Variants in FMO2 observed in about 807,000 individuals in gnomAD.
FMO2 encodes the protein flavin containing dimethylaniline monoxygenase 2.
In FMO2, 33 loss-of-function variants were observed where a neutral mutation model predicts 41.6. The ratio of observed to expected loss-of-function variants is 0.79; its 90% confidence interval spans 0.60 to 1.06. The LOEUF (loss-of-function observed/expected upper bound fraction) is 1.06. Ranked by LOEUF, FMO2 falls within the 50% of genes least tolerant of loss-of-function variation. The pLI, the probability that FMO2 is intolerant of heterozygous loss-of-function variation, is 0.00. For missense variants in FMO2, 619 were observed against 632.9 expected (o/e 0.98, Z 0.23); for synonymous variants, 214 against 219.6 (o/e 0.97, Z 0.23).
At chr1:171,199,048 A>C (rs1010103470) in intron 4 of FMO2, among the ~76,000 whole-genome samples, 1 of 152,028 alleles carries the variant, frequency 6.6e-6, no homozygotes, top group African/African-American at 2.4e-5. Flanking sequence ...GACCACAGGC[A>C]TGCACAACCA....
chr1:171,198,252 A>G (rs537846871), intron 4 of FMO2, among the ~76,000 whole-genome samples: 20 of 152,220 alleles, frequency 1.3e-4, no homozygotes, highest in Admixed American at 5.2e-4. Context: ...ACTGATTTAC[A>G]CAATATGGAA....
chr1:171,188,164 C>T (rs987276551), intron 2 of FMO2, among the ~76,000 whole-genome samples: 6 of 151,546 alleles, frequency 4.0e-5, no homozygotes, highest in African/African-American at 1.5e-4. Flanking sequence ...TACCAAAATC[C>T]TTGCATACTC....
chr1:171,188,374 G>T (rs895858275), intron 2 of FMO2, among the ~76,000 whole-genome samples: 1 of 152,072 alleles, frequency 6.6e-6, no homozygotes, highest in Non-Finnish European at 1.5e-5. Flanking sequence ...TGATTAATTA[G>T]GCTTTATTGA....
chr1:171,203,967 C>A lies in FMO2; in HGVS notation c.730C>A (p.Arg244Ser), dbSNP rs377041595. 5 of 1,613,648 alleles carry A rather than the reference C, an allele frequency of 3.1e-6. No homozygotes were observed. The highest frequency in any genetic ancestry group is 4.2e-6 in the Non-Finnish European group (5 of 1,179,694). ...CCACACCCGGTTTCGTTCTATGCTCCGCAATGTACTGCCACGAACAGCTGT... is the reference window on the plus strand; with the variant it reads ...CCACACCCGGTTTCGTTCTATGCTCAGCAATGTACTGCCACGAACAGCTGT... ...VFHTRFRSML[R>S]NVLPRTAVKW... Residue 244 changes from arginine to serine, a missense_variant, in exon 6 of 9, where the codon CGC becomes AGC. Physicochemically the swap from Arg to Ser is moderately radical, Grantham distance 110 (BLOSUM62 -1). Transcript: ENST00000209929.
intron 5 of FMO2, 177 bp downstream of exon 5, chr1:171,199,665 A>C (rs2075987): frequency 0.45 from 216,207 of 484,346 alleles, 52,213 homozygotes; most frequent in African/African-American, 0.68. Flanking sequence ...AGCTCTGTCA[A>C]TAACCAGCCA....
intron 5 of FMO2, among the ~76,000 whole-genome samples, chr1:171,201,532 C>T (rs1189723926): frequency 2.6e-5 from 4 of 152,192 alleles, no homozygotes; most frequent in South Asian, 2.1e-4. Context: ...GAAATTACAA[C>T]CTGAACTCAC....
chr1:171,185,684 G>C, intron 1 of FMO2, 24 bp from the exon 2 acceptor site: 1 of 1,612,970 alleles, frequency 6.2e-7, no homozygotes, highest in Non-Finnish European at 8.5e-7. Context: ...GTTAAGTAAT[G>C]TTGATTGATC....
chr1:171,188,957 T>C (rs1390625321), intron 2 of FMO2: 1 of 152,214 alleles, frequency 6.6e-6, no homozygotes, highest in Admixed American at 6.5e-5. Flanking sequence ...TTCTTCGCAA[T>C]ACTGCTAGGA....
At chr1:171,189,751 C>T (rs189526968) in intron 2 of FMO2, among the ~76,000 whole-genome samples, 10 of 151,170 alleles carry the variant, frequency 6.6e-5, no homozygotes, top group African/African-American at 1.9e-4. Flanking sequence ...CTCCATCCCC[C>T]GGGTTCAAGC....
intron 3 of FMO2, 58 bp downstream of exon 3, chr1:171,193,581 G>C: frequency 9.0e-7 from 1 of 1,113,014 alleles, no homozygotes; most frequent in Non-Finnish European, 1.3e-6. Flanking sequence ...TATTTAGATA[G>C]AAAAGTTACT....
In FMO2 at chr1:171,193,514, TCA is replaced by T; in HGVS notation, c.313_314del (p.Gln105ValfsTer7). On this transcript the variant is annotated frameshift_variant, in exon 3 of 9. Transcript: ENST00000209929. LOFTEE classifies it high-confidence loss of function. Reference sequence around the variant, plus strand: ...AAAAATTTGATCTGCTAAAATATATTCAGTTCCAGGTATTGTATTTTTGGGGA... The same window carrying T: ...AAAAATTTGATCTGCTAAAATATATTGTTCCAGGTATTGTATTTTTGGGGA... ...AKKFDLLKYI[Q>X]FQTTVLSVRK... The T allele has an allele frequency of 6.3e-7, 1 of 1,595,242 alleles. No individual in the cohort carries two copies. Among genetic ancestry groups the T allele is most frequent in the Non-Finnish European group, 8.6e-7 (1 of 1,163,962 alleles).
In FMO2 at chr1:171,193,418, T is replaced by G. The variant is rs758047506; in HGVS notation, c.216T>G (p.Phe72Leu). The G allele has an allele frequency of 6.2e-7, 1 of 1,610,724 alleles. No individual in the cohort carries two copies. Among genetic ancestry groups the G allele is most frequent in the East Asian group, 2.2e-5 (1 of 44,876 alleles). Residue 72 changes from phenylalanine to leucine, a missense_variant, in exon 3 of 9, where the codon TTT (phenylalanine) becomes TTG (leucine). Physicochemically the swap from Phe to Leu is conservative, Grantham distance 22. Transcript: ENST00000209929. ...TSKEMSCFSD[F>L]PMPEDFPNFL... Reference sequence around the variant, plus strand: ...AAGAAATGTCCTGTTTCAGTGACTTTCCAATGCCTGAAGATTTTCCAAACT... The same window carrying G: ...AAGAAATGTCCTGTTTCAGTGACTTGCCAATGCCTGAAGATTTTCCAAACT...
chr1:171,193,512 A>G lies in FMO2; in HGVS notation c.310A>G (p.Ile104Val). The change falls in exon 3 of 9, where the codon ATT (isoleucine) becomes GTT (valine). Residue 104 changes from isoleucine to valine, a missense_variant. Physicochemically the swap from Ile to Val is conservative, Grantham distance 29 (BLOSUM62 3). Coordinates refer to ENST00000209929, the MANE Select transcript of FMO2 (RefSeq NM_001460.5). ...TAAAAAATTTGATCTGCTAAAATAT[A>G]TTCAGTTCCAGGTATTGTATTTTTG... ...FAKKFDLLKY[I>V]QFQTTVLSVR... is the part of the protein sequence containing the mutation. 17 of 1,596,480 alleles carry G rather than the reference A, an allele frequency of 1.1e-5. No homozygotes were observed. Among genetic ancestry groups the G allele is most frequent in the Non-Finnish European group, 1.3e-5 (15 of 1,165,112 alleles).
chr1:171,207,857 C>T (rs531008771), intron 8 of FMO2, 67 bp downstream of exon 8: 78 of 1,010,584 alleles, frequency 7.7e-5, no homozygotes, highest in Non-Finnish European at 1.1e-4. Flanking sequence ...TAACTACTTA[C>T]AAGAACCACC....
Position 171,196,807 on chromosome 1 carries a change from T to C in FMO2, c.480T>C (p.Phe160=). ...HILPHIPLKS[F]PGMERFKGQY... is the part of the protein sequence containing the mutation. ...TACCTCATATCCCACTGAAGTCATT[T>C]CCAGGTGAGACCCGCTGGGATTCCC... The change falls in exon 4 of 9, where the codon TTT becomes TTC. Residue 160 remains phenylalanine (F), a synonymous_variant. Transcript: ENST00000209929. The C allele has an allele frequency of 6.2e-7, 1 of 1,612,774 alleles. No homozygotes were observed. The highest frequency in any genetic ancestry group is 1.1e-5 in the South Asian group (1 of 90,762).
chr1:171,199,968 C>T (rs566052344), intron 5 of FMO2, among the ~76,000 whole-genome samples: 2 of 152,196 alleles, frequency 1.3e-5, no homozygotes, highest in Admixed American at 1.3e-4. Context: ...CTGCCCGCCT[C>T]AGCCTCCCAA....
At chr1:171,185,539 T>C in intron 1 of FMO2, 169 bp from the exon 2 acceptor site, 1 of 598,434 alleles carries the variant, frequency 1.7e-6, no homozygotes, top group South Asian at 2.8e-5. Flanking sequence ...ACTCAGCTTT[T>C]CTCAAAGGCA....
chr1:171,188,054 T>TG (rs1657929735), intron 2 of FMO2, among the ~76,000 whole-genome samples: 1 of 136,214 alleles, frequency 7.3e-6, no homozygotes, highest in South Asian at 2.3e-4. Flanking sequence ...TTTTTTTTTT[T>TG]GCTCCCAGGT....
At chr1:171,188,030 A>ATTTTTTTT (rs67830022) in intron 2 of FMO2, among the ~76,000 whole-genome samples, 8 of 97,686 alleles carry the variant, frequency 8.2e-5, no homozygotes, top group Non-Finnish European at 1.6e-4. Flanking sequence ...TTCAGCTGGA[A>ATTTTTTTT]TTTTTTTTTT....
Sources: allele counts gnomAD v4.1 joint callset (sites outside exome capture counted in the v4.1 genomes callset), GRCh38; gene constraint gnomAD v4.1.1; transcripts MANE v1.5; gene names NCBI Gene and HGNC (gene_info 2026-07-23, HGNC 2026-07-21).